The following PRG4 variants were observed in gnomAD, a reference collection of about 807,000 sequenced individuals.
PRG4 encodes proteoglycan 4.
A neutral mutation model predicts 91.2 loss-of-function variants in PRG4; 61 were observed. That is an observed-to-expected ratio of 0.67 (90% confidence interval 0.54 to 0.83). The LOEUF is 0.83. Ranked by LOEUF, PRG4 falls within the 40% of genes least tolerant of loss-of-function variation. The probability of loss-of-function intolerance (pLI) is 0.00; values close to 1 mark genes in which losing one functional copy is unlikely to be tolerated. For synonymous variants in PRG4, 576 were observed against 614.2 expected, an observed-to-expected ratio of 0.94 and a Z score of 0.92; for missense variants, 1,564 against 1,714.2, an observed-to-expected ratio of 0.91 and a Z score of 1.55.
Position 186,308,058 on chromosome 1 carries a change from G to C in PRG4, c.2339G>C (p.Gly780Ala), listed in dbSNP as rs762225000. 1.3e-6 allele frequency: 2 copies of C among 1,585,738 alleles called. No homozygotes were observed. The highest frequency in any genetic ancestry group is 4.6e-5 in the East Asian group (2 of 43,878). The change falls in exon 7 of 13, where the codon GGG becomes GCG. Residue 780 changes from glycine to alanine, a missense_variant. Physicochemically the swap from Gly to Ala is moderately conservative, Grantham distance 60. Around this residue, in one of 3 missense-constraint regions of PRG4, gnomAD observed 1,079 missense variants for 1,162.2 expected, o/e 0.93. Transcript: ENST00000445192. Reference sequence around the variant, plus strand: ...GAGCCTGCTCCAACTACCCCTAAGGGGACTGCTCCAACTACCCTCAAGGAA... The same window carrying C: ...GAGCCTGCTCCAACTACCCCTAAGGCGACTGCTCCAACTACCCTCAAGGAA... ...PKEPAPTTPK[G>A]TAPTTLKEPA...
chr1:186,300,214 G>T lies in PRG4; in HGVS notation c.199+1G>T. The T allele has an allele frequency of 6.2e-7, 1 of 1,613,990 alleles. No individual in the cohort carries two copies. The highest frequency in any genetic ancestry group is 8.5e-7 in the Non-Finnish European group (1 of 1,180,016). ...GATTTCAAGAGAGTCTGCACTGCGG[G>T]TAAGTCCTGAGAGCGGGTGTCTCCT... On this transcript the variant is annotated splice_donor_variant, in intron 3 of 12. Transcript: ENST00000445192. LOFTEE classifies it high-confidence loss of function.
rs1441480139 is a variant in PRG4 at position 186,308,055 on chromosome 1, A to G, written c.2336A>G (p.Lys779Arg). Reference sequence around the variant, plus strand: ...AAGGAGCCTGCTCCAACTACCCCTAAGGGGACTGCTCCAACTACCCTCAAG... The same window carrying G: ...AAGGAGCCTGCTCCAACTACCCCTAGGGGGACTGCTCCAACTACCCTCAAG... The part of the protein sequence containing the change: ...TPKEPAPTTP[K>R]GTAPTTLKEP... Residue 779 changes from lysine (K) to arginine (R), a missense_variant, in exon 7 of 13, where the codon AAG becomes AGG. Physicochemically the swap from Lys to Arg is conservative, Grantham distance 26. Around this residue, in one of 3 missense-constraint regions of PRG4, gnomAD observed 1,079 missense variants for 1,162.2 expected, o/e 0.93. Coordinates refer to ENST00000445192, the MANE Select transcript of PRG4 (RefSeq NM_005807.6). The G allele has an allele frequency of 6.2e-7, 1 of 1,607,646 alleles. No homozygotes were observed. Among genetic ancestry groups the G allele is most frequent in the Admixed American group, 1.7e-5 (1 of 59,204 alleles).
At chr1:186,299,313 C>A (rs539458310) in intron 2 of PRG4, among the ~76,000 whole-genome samples, 15 of 152,224 alleles carry the variant, frequency 9.9e-5, no homozygotes, top group Admixed American at 9.8e-4. Flanking sequence ...TCTGCCTCCC[C>A]TGACATTTTA....
At chr1:186,304,546 A>G (rs1293494395) in intron 5 of PRG4, among the ~76,000 whole-genome samples, 2 of 152,198 alleles carry the variant, frequency 1.3e-5, no homozygotes, top group Non-Finnish European at 2.9e-5. Context: ...TTGTAGAATA[A>G]TTTGATTCTG....
At chr1:186,297,168 A>G (rs756919898) in intron 2 of PRG4, among the ~76,000 whole-genome samples, 7 of 152,188 alleles carry the variant, frequency 4.6e-5, no homozygotes, top group Non-Finnish European at 1.0e-4. Flanking sequence ...TGTATAAAGA[A>G]TAATTTTGGT....
At position 186,306,646 on chromosome 1, in the gene PRG4, GAC is replaced by G. The variant is rs753758279; in HGVS notation, c.931_932del (p.Gln311LysfsTer8). 1 of 1,613,600 alleles carries G rather than the reference GAC, an allele frequency of 6.2e-7. No homozygotes were observed. The highest frequency in any genetic ancestry group is 1.1e-5 in the South Asian group (1 of 91,086). ...AAGAGAAGACTACTTCCGCTAAAGAGACACAAAGTATAGAGAAAACATCTGCT... is the reference window on the plus strand; with the variant it reads ...AAGAGAAGACTACTTCCGCTAAAGAGACAAAGTATAGAGAAAACATCTGCT... ...GKEKTTSAKE[T>X]QSIEKTSAKD... is the part of the protein sequence containing the mutation. On this transcript the variant is annotated frameshift_variant, in exon 7 of 13. Transcript: ENST00000445192. LOFTEE classifies it high-confidence loss of function.
In PRG4 at chr1:186,314,526, G is replaced by T; in HGVS notation, c.*748G>T. Reference sequence around the variant, plus strand: ...ACATGTAATTATTTAATAAAACTTTGGAACATTAAAAAAATAAATTGGAGG... The same window carrying T: ...ACATGTAATTATTTAATAAAACTTTTGAACATTAAAAAAATAAATTGGAGG... On this transcript the variant is annotated 3_prime_UTR_variant, in exon 13 of 13. Coordinates refer to ENST00000445192, the MANE Select transcript of PRG4 (RefSeq NM_005807.6). 1.2e-6 allele frequency: 1 copy of T among 818,058 alleles called. No homozygotes were observed. 50.7% of individuals were successfully genotyped at this position (818,058 alleles called of 1,614,324 possible). A position where few individuals can be genotyped will look rare whatever the true frequency, so the allele number is the denominator to read the frequency against.
intron 3 of PRG4, 76 bp from the exon 4 acceptor site, chr1:186,301,516 G>T (rs1338289037): frequency 6.2e-7 from 1 of 1,600,716 alleles, no homozygotes; most frequent in African/African-American, 1.3e-5. Context: ...CAAGTCTAAG[G>T]TGGGAAATGG....
rs1369814055 is a variant in PRG4, at chr1:186,311,461, AC to A, written c.3660del (p.Asn1221MetfsTer3). On this transcript the variant is annotated frameshift_variant, in exon 10 of 13. Coordinates refer to ENST00000445192, the MANE Select transcript of PRG4 (RefSeq NM_005807.6). LOFTEE classifies it high-confidence loss of function. ...TCAGGATTCTCAGTACTGGCGTTTT[AC>A]CAATGATATAAAAGATGCAGGGTAC... ...FFKDSQYWRFTNDIKDAGYPK... is the reference protein window; with the variant it reads ...FFKDSQYWRFXNDIKDAGYPK... 6.2e-6 allele frequency: 10 copies of A among 1,613,544 alleles called. No individual in the cohort carries two copies. The highest frequency in any genetic ancestry group is 1.3e-5 in the African/African-American group (1 of 74,930).
At position 186,312,772 on chromosome 1, in the gene PRG4, T is replaced by A. The variant is rs78280711; in HGVS notation, c.3995T>A (p.Val1332Asp). The A allele has an allele frequency of 1.2e-6, 2 of 1,612,934 alleles. No individual in the cohort carries two copies. Among genetic ancestry groups the A allele is most frequent in the Non-Finnish European group, 1.7e-6 (2 of 1,178,954 alleles). Residue 1332 changes from valine (V) to aspartate (D), a missense_variant, in exon 12 of 13, where the codon GTC (valine) becomes GAC (aspartate). Val to Asp is a radical substitution (Grantham distance 152). Coordinates refer to ENST00000445192, the MANE Select transcript of PRG4 (RefSeq NM_005807.6). Reference protein sequence around the residue: ...PARLAYQDKGVLHNEVKVSIL... With the variant: ...PARLAYQDKGDLHNEVKVSIL... ...TTATTAAACATGCCACTTACAGGTG[T>A]CCTTCATAATGAAGTTAAAGTGAGT... is the stretch of plus-strand genomic sequence containing the variant.
Position 186,304,932 on chromosome 1 carries a change from T to C in PRG4, c.598+10T>C, listed in dbSNP as rs2102017541. On this transcript the variant is annotated intron_variant, in intron 6 of 12. Transcript: ENST00000445192. ...CAGAAGAAACTCAAAGGTTTGAGCA[T>C]TGATAAAGATCAAAGACTGTATCAA... is the stretch of plus-strand genomic sequence containing the variant. The C allele has an allele frequency of 2.5e-6, 4 of 1,612,036 alleles. No homozygotes were observed. The highest frequency in any genetic ancestry group is 3.4e-6 in the Non-Finnish European group (4 of 1,178,570).
In PRG4 at chr1:186,310,941, T is replaced by G. The variant is rs915083585; in HGVS notation, c.3500-93T>G. ...TCTGACTAAACTTCCAGTCATACAA[T>G]GCATAAGAAAACTACATTTTTTTTC... On this transcript the variant is annotated intron_variant, in intron 8 of 12. Transcript: ENST00000445192. 1.5e-5 allele frequency: 21 copies of G among 1,384,514 alleles called. No individual in the cohort carries two copies. The East Asian group carries it at 4.6e-4, about 30-fold the overall frequency. The allele number at this position is 1,384,514 out of a possible 1,614,324, so 85.8% of individuals were successfully genotyped here. A position where few individuals can be genotyped will look rare whatever the true frequency, so the allele number is the denominator to read the frequency against.
At position 186,307,935 on chromosome 1, in the gene PRG4, A is replaced by G. The variant is rs1193602580; in HGVS notation, c.2216A>G (p.Lys739Arg). ...APKELAPTTT[K>R]EPTSTTSDKP... is the part of the protein sequence containing the mutation. ...AAGGAGCTTGCACCCACCACCACCA[A>G]GGAGCCCACATCCACCACCTCTGAC... The change falls in exon 7 of 13, where the codon AAG becomes AGG. Residue 739 changes from lysine (K) to arginine (R), a missense_variant. Coordinates refer to ENST00000445192, the MANE Select transcript of PRG4 (RefSeq NM_005807.6). 5 of 1,607,880 alleles carry G rather than the reference A, an allele frequency of 3.1e-6. No individual in the cohort carries two copies. Among genetic ancestry groups the G allele is most frequent in the Non-Finnish European group, 2.5e-6 (3 of 1,178,498 alleles).
At chr1:186,310,836 T>A (rs1657160744) in intron 8 of PRG4, among the ~76,000 whole-genome samples, 198 bp from the exon 9 acceptor site, 1 of 152,074 alleles carries the variant, frequency 6.6e-6, no homozygotes, top group East Asian at 1.9e-4. Flanking sequence ...ACTAGAAAAC[T>A]AAAGTATCTC....
At position 186,312,196 on chromosome 1, in the gene PRG4, T is replaced by C. The variant is rs1293985; in HGVS notation, c.3815T>C (p.Ile1272Thr). Reference sequence around the variant, plus strand: ...ACAGGTGGCAGCATTCAGCAGTATATTTATAAACAGGAACCTGTACAGAAG... The same window carrying C: ...ACAGGTGGCAGCATTCAGCAGTATACTTATAAACAGGAACCTGTACAGAAG... ...FKRGGSIQQY[I>T]YKQEPVQKCP... is the part of the protein sequence containing the mutation. The change falls in exon 11 of 13, where the codon ATT (isoleucine) becomes ACT (threonine). Residue 1272 changes from isoleucine to threonine, a missense_variant. By Grantham distance (89) the Ile-to-Thr change is moderately conservative. Coordinates refer to ENST00000445192, the MANE Select transcript of PRG4 (RefSeq NM_005807.6). The C allele has an allele frequency of 4.9e-4, 785 of 1,613,950 alleles. 1 individual carries two copies. In the African/African-American group the frequency reaches 9.4e-3, roughly 19 times the overall value.
chr1:186,313,006 G>A (rs2102041418), intron 12 of PRG4, 112 bp downstream of exon 12: 2 of 1,153,620 alleles, frequency 1.7e-6, no homozygotes, highest in Admixed American at 1.8e-5. Context: ...TTACACTACG[G>A]TACTTATTCT....
chr1:186,301,390 C>T (rs1435906346), intron 3 of PRG4, among the ~76,000 whole-genome samples: 1 of 152,114 alleles, frequency 6.6e-6, no homozygotes, highest in African/African-American at 2.4e-5. Flanking sequence ...CCCTCAGTCA[C>T]CATATTTCTT....
In PRG4 at chr1:186,308,322, C is replaced by T; in HGVS notation, c.2603C>T (p.Thr868Ile). 1.9e-6 allele frequency: 3 copies of T among 1,614,038 alleles called. No homozygotes were observed. In the South Asian group the frequency reaches 3.3e-5, roughly 18 times the overall value. ...CCAACTACCACCAAGGAGCCTACCA[C>T]TATCCACAAAAGCCCTGATGAATCA... ...STPTTTKEPT[T>I]IHKSPDESTP... Residue 868 changes from threonine to isoleucine, a missense_variant, in exon 7 of 13, where the codon ACT becomes ATT. By Grantham distance (89) the Thr-to-Ile change is moderately conservative. Coordinates refer to ENST00000445192, the MANE Select transcript of PRG4 (RefSeq NM_005807.6).
chr1:186,312,877 A>C lies in PRG4; in HGVS notation c.4100A>C (p.Tyr1367Ser). 6.2e-7 allele frequency: 1 copy of C among 1,612,612 alleles called. No individual in the cohort carries two copies. The highest frequency in any genetic ancestry group is 8.5e-7 in the Non-Finnish European group (1 of 1,178,608). The change falls in exon 12 of 13, where the codon TAC becomes TCC. Residue 1367 changes from tyrosine to serine, a missense_variant. Tyr to Ser is a moderately radical substitution (Grantham distance 144). Around this residue, in one of 3 missense-constraint regions of PRG4, gnomAD observed 1,079 missense variants for 1,162.2 expected, o/e 0.93. Transcript: ENST00000445192. ...PNIRKPDGYDYYAFSKDQYYN... is the reference protein window; with the variant it reads ...PNIRKPDGYDSYAFSKDQYYN... ...ATCAGAAAACCTGACGGCTATGATT[A>C]CTATGCCTTTTCTAAAGGTAAGGTA...
Sources: gnomAD v4.1 joint callset for allele counts (sites outside exome capture counted in the v4.1 genomes callset) on GRCh38, gnomAD v4.1.1 for gene constraint, gnomAD v4.1.1 regional missense constraint, MANE v1.5 for transcripts, NCBI Gene and HGNC (gene_info 2026-07-23, HGNC 2026-07-21) for gene names.